Variants in ISG20L2 observed in about 807,000 individuals in gnomAD.
ISG20L2 encodes the protein interferon stimulated exonuclease gene 20 like 2.
Under a neutral mutation model 27.8 loss-of-function variants are expected in ISG20L2, and 14 were observed. That is an observed-to-expected ratio of 0.50 (90% confidence interval 0.33 to 0.79). ISG20L2 has a LOEUF of 0.79. Among genes scored for constraint, ISG20L2 ranks in the 30% least tolerant of loss-of-function variants. The pLI, the probability that ISG20L2 is intolerant of heterozygous loss-of-function variation, is 0.02. For synonymous variants in ISG20L2, 157 were observed against 165.7 expected (o/e 0.95, Z 0.40); for missense variants, 393 against 435.1 (o/e 0.90, Z 0.86).
At position 156,727,030 on chromosome 1, in the gene ISG20L2, C is replaced by T; in HGVS notation, c.623G>A (p.Gly208Glu). 6.2e-7 allele frequency: 1 copy of T among 1,614,192 alleles called. No homozygotes were observed. Among genetic ancestry groups the T allele is most frequent in the Non-Finnish European group, 8.5e-7 (1 of 1,180,038 alleles). ...LARCSIVNYNGDVLYDEYILP... is the reference protein window; with the variant it reads ...LARCSIVNYNEDVLYDEYILP... ...AATGTACTCGTCATAAAGCACATCT[C>T]CGTTGTAGTTGACAATGCTACATCG... Residue 208 changes from glycine to glutamate, a missense_variant, in exon 2 of 4, where the codon GGA (glycine) becomes GAA (glutamate). This residue lies in a region of ISG20L2 where 171 missense variants were observed against 195.3 expected (regional missense o/e 0.88). Coordinates refer to ENST00000368219, the MANE Select transcript of ISG20L2 (RefSeq NM_001370150.2).
chr1:156,727,767 A>C lies in ISG20L2; in HGVS notation c.-115T>G. The C allele has an allele frequency of 6.7e-7, 1 of 1,497,624 alleles. No individual in the cohort carries two copies. Among genetic ancestry groups the C allele is most frequent in the South Asian group, 1.4e-5 (1 of 72,194 alleles). The allele number at this position is 1,497,624 out of a possible 1,614,324, so 92.8% of individuals were successfully genotyped here. A position where few individuals can be genotyped will look rare whatever the true frequency, so the allele number is the denominator to read the frequency against. On this transcript the variant is annotated splice_region_variant and 5_prime_UTR_variant, in exon 2 of 4. Coordinates refer to ENST00000368219, the MANE Select transcript of ISG20L2 (RefSeq NM_001370150.2). Reference sequence around the variant, plus strand: ...TCCAACATGTGGAGGTCTGTAGTACACCCTGGGGAAGAAAGTGATCCTGGT... The same window carrying C: ...TCCAACATGTGGAGGTCTGTAGTACCCCCTGGGGAAGAAAGTGATCCTGGT...
chr1:156,726,096 T>A, intron 2 of ISG20L2: 1 of 985,440 alleles, frequency 1.0e-6, no homozygotes, highest in Non-Finnish European at 1.2e-6. Flanking sequence ...AGGAGTGAGA[T>A]GACAACCCGA....
intron 2 of ISG20L2, chr1:156,726,191 T>C: frequency 1.0e-6 from 1 of 985,422 alleles, no homozygotes; most frequent in Non-Finnish European, 1.2e-6. Context: ...CTGTCAACTT[T>C]CTGCCCTCTC....
chr1:156,724,491 C>G, intron 2 of ISG20L2, 143 bp from the exon 3 acceptor site: 1 of 1,408,960 alleles, frequency 7.1e-7, no homozygotes, highest in South Asian at 1.6e-5. Context: ...CTCACTCCCA[C>G]AAGTTTTCTT....
In ISG20L2 at chr1:156,723,363, G is replaced by A. The variant is rs1648617542; in HGVS notation, c.1048C>T (p.Pro350Ser). The A allele has an allele frequency of 7.4e-6, 12 of 1,614,060 alleles. No homozygotes were observed. The highest frequency in any genetic ancestry group is 1.0e-5 in the Non-Finnish European group (12 of 1,180,040). Reference protein sequence around the residue: ...VEWEEHLARNPPTD With the variant: ...VEWEEHLARNSPTD Reference sequence around the variant, plus strand: ...CCCCACTGCCACTAGTCTGTAGGGGGATTCCGGGCTAGGTGCTCTTCCCAC... The same window carrying A: ...CCCCACTGCCACTAGTCTGTAGGGGAATTCCGGGCTAGGTGCTCTTCCCAC... Residue 350 changes from proline to serine, a missense_variant, in exon 4 of 4, where the codon CCC becomes TCC. Coordinates refer to ENST00000368219, the MANE Select transcript of ISG20L2 (RefSeq NM_001370150.2).
chr1:156,728,749 G>GT lies in ISG20L2; in HGVS notation c.-453dup. ...GCCGGACACCTCCGGCTTCACTTCC[G>GT]TAAGAGGAGAGGAGTGTACGGCAAG... On this transcript the variant is annotated 5_prime_UTR_variant, in exon 1 of 4. Transcript: ENST00000368219. 1 of 1,016,178 alleles carries GT rather than the reference G, an allele frequency of 9.8e-7. No individual in the cohort carries two copies. The highest frequency in any genetic ancestry group is 4.1e-5 in the South Asian group (1 of 24,102). 62.9% of individuals were successfully genotyped at this position (1,016,178 alleles called of 1,614,324 possible).
Position 156,723,235 on chromosome 1 carries a change from C to T in ISG20L2, c.*114G>A, listed in dbSNP as rs892129272. The T allele has an allele frequency of 6.1e-6, 8 of 1,301,170 alleles. No homozygotes were observed. Among genetic ancestry groups the T allele is most frequent in the African/African-American group, 1.5e-5 (1 of 68,476 alleles). The allele number at this position is 1,301,170 out of a possible 1,614,324, so 80.6% of individuals were successfully genotyped here. Reference sequence around the variant, plus strand: ...TAAGTCTGGGGTAGAGCTTCTCTCTCCCCAAATCTAGCTTCCAAAGATGTG... The same window carrying T: ...TAAGTCTGGGGTAGAGCTTCTCTCTTCCCAAATCTAGCTTCCAAAGATGTG... On this transcript the variant is annotated 3_prime_UTR_variant, in exon 4 of 4. Coordinates refer to ENST00000368219, the MANE Select transcript of ISG20L2 (RefSeq NM_001370150.2).
intron 2 of ISG20L2, chr1:156,725,456 G>C (rs1044419705): frequency 1.3e-5 from 2 of 152,190 alleles, no homozygotes; most frequent in Admixed American, 6.5e-5. Context: ...CACACCACAG[G>C]CTCTGAAGGC....
At chr1:156,726,396 C>T (rs76800623) in intron 2 of ISG20L2, 34,257 of 985,246 alleles carry the variant, frequency 0.035, 710 homozygotes, top group African/African-American at 0.066. Flanking sequence ...CCCAGTTCCC[C>T]AGACCCAATT....
In ISG20L2 at chr1:156,728,654, G is replaced by A; in HGVS notation, c.-357C>T. 2 of 986,022 alleles carry A rather than the reference G, an allele frequency of 2.0e-6. No individual in the cohort carries two copies. Among genetic ancestry groups the A allele is most frequent in the Non-Finnish European group, 2.4e-6 (2 of 830,170 alleles). The allele number at this position is 986,022 out of a possible 1,614,324, so 61.1% of individuals were successfully genotyped here. ...GGGGCGGGGGCGGGATGCGCTCCCCGGCCCCTCTAGCCCCGTGGTGGTACA... is the reference window on the plus strand; with the variant it reads ...GGGGCGGGGGCGGGATGCGCTCCCCAGCCCCTCTAGCCCCGTGGTGGTACA... On this transcript the variant is annotated 5_prime_UTR_variant, in exon 1 of 4. Coordinates refer to ENST00000368219, the MANE Select transcript of ISG20L2 (RefSeq NM_001370150.2).
At position 156,726,933 on chromosome 1, in the gene ISG20L2, G is replaced by T. The variant is rs749619598; in HGVS notation, c.720C>A (p.Ala240=). 2.5e-6 allele frequency: 4 copies of T among 1,614,002 alleles called. No individual in the cohort carries two copies. In the African/African-American group the frequency reaches 4.0e-5, roughly 16 times the overall value. ...GGCCTCGAGCAATCTTGAAGGGTGT[G>T]GCATTCACCATGTGCTGCTTCCGGA... ...SGIRKQHMVN[A]TPFKIARGQI... is the part of the protein sequence containing the mutation. Residue 240 remains alanine (A), a synonymous_variant, in exon 2 of 4, where the codon GCC becomes GCA. Coordinates refer to ENST00000368219, the MANE Select transcript of ISG20L2 (RefSeq NM_001370150.2).
In ISG20L2 at chr1:156,727,038, G is replaced by A. The variant is rs1244193322; in HGVS notation, c.615C>T (p.Asn205=). ...VSSLARCSIV[N]YNGDVLYDEY... ...CGTCATAAAGCACATCTCCGTTGTA[G>A]TTGACAATGCTACATCGAGCCAAGG... Residue 205 remains asparagine (N), a synonymous_variant, in exon 2 of 4, where the codon AAC becomes AAT. Transcript: ENST00000368219. 4 of 1,614,114 alleles carry A rather than the reference G, an allele frequency of 2.5e-6. No individual in the cohort carries two copies. Among genetic ancestry groups the A allele is most frequent in the Non-Finnish European group, 3.4e-6 (4 of 1,180,044 alleles).
intron 2 of ISG20L2, chr1:156,725,789 G>T: frequency 1.2e-6 from 1 of 866,796 alleles, no homozygotes; most frequent in Non-Finnish European, 1.4e-6. Flanking sequence ...GCCTTTGCTT[G>T]GCTGCGCCCC....
rs1170023769 is a variant in ISG20L2, at chr1:156,722,283, C to T, written c.*1066G>A. The T allele has an allele frequency of 6.7e-6, 1 of 148,856 alleles. No homozygotes were observed. Among genetic ancestry groups the T allele is most frequent in the African/African-American group, 2.5e-5 (1 of 39,994 alleles). The allele number at this position is 148,856 out of a possible 1,614,324, so 9.2% of individuals were successfully genotyped here. On this transcript the variant is annotated 3_prime_UTR_variant, in exon 4 of 4. Transcript: ENST00000368219. ...TTTTAATTTTTTTTTTTTTTTGAGACAGAGTCTCGCTCTGTGGCCGTGGCC... is the reference window on the plus strand; with the variant it reads ...TTTTAATTTTTTTTTTTTTTTGAGATAGAGTCTCGCTCTGTGGCCGTGGCC...
Position 156,728,726 on chromosome 1 carries a change from C to G in ISG20L2, c.-429G>C, listed in dbSNP as rs1254276404. ...GCGATAAACCGGAACTGCAGCCCGCCGGACACCTCCGGCTTCACTTCCGTA... is the reference window on the plus strand; with the variant it reads ...GCGATAAACCGGAACTGCAGCCCGCGGGACACCTCCGGCTTCACTTCCGTA... On this transcript the variant is annotated 5_prime_UTR_variant, in exon 1 of 4. Transcript: ENST00000368219. 24 of 999,328 alleles carry G rather than the reference C, an allele frequency of 2.4e-5. No homozygotes were observed. Among genetic ancestry groups the G allele is most frequent in the South Asian group, 8.6e-5 (2 of 23,146 alleles). 61.9% of individuals were successfully genotyped at this position (999,328 alleles called of 1,614,324 possible).
rs920218737 is a variant in ISG20L2, at chr1:156,724,640, C to A, written c.748-292G>T. The A allele has an allele frequency of 2.6e-6, 3 of 1,150,620 alleles. No homozygotes were observed. In the African/African-American group the frequency reaches 4.7e-5, roughly 18 times the overall value. 71.3% of individuals were successfully genotyped at this position (1,150,620 alleles called of 1,614,324 possible). A position where few individuals can be genotyped will look rare whatever the true frequency, so the allele number is the denominator to read the frequency against. On this transcript the variant is annotated intron_variant, in intron 2 of 3. Coordinates refer to ENST00000368219, the MANE Select transcript of ISG20L2 (RefSeq NM_001370150.2). The stretch of plus-strand genomic sequence containing the variant: ...TTTGCCTTCAGTCCTAAATGACACT[C>A]ATGTTTGAGATGTCCATGTATTTAG...
chr1:156,723,215 C>G lies in ISG20L2; in HGVS notation c.*134G>C. On this transcript the variant is annotated 3_prime_UTR_variant, in exon 4 of 4. Coordinates refer to ENST00000368219, the MANE Select transcript of ISG20L2 (RefSeq NM_001370150.2). ...GGTGAAATTTCAATGGGTATTAAGT[C>G]TGGGGTAGAGCTTCTCTCTCCCCAA... 1 of 1,095,574 alleles carries G rather than the reference C, an allele frequency of 9.1e-7. No individual in the cohort carries two copies. The highest frequency in any genetic ancestry group is 1.4e-5 in the South Asian group (1 of 70,812). The allele number at this position is 1,095,574 out of a possible 1,614,324, so 67.9% of individuals were successfully genotyped here.
chr1:156,727,020 A>C lies in ISG20L2; in HGVS notation c.633T>G (p.Leu211=). ...CSIVNYNGDV[L]YDEYILPPCH... ...AGGGGGGAAGAATGTACTCGTCATA[A>C]AGCACATCTCCGTTGTAGTTGACAA... Residue 211 remains leucine, a synonymous_variant, in exon 2 of 4, where the codon CTT becomes CTG. Coordinates refer to ENST00000368219, the MANE Select transcript of ISG20L2 (RefSeq NM_001370150.2). 6.2e-7 allele frequency: 1 copy of C among 1,614,154 alleles called. No homozygotes were observed. Among genetic ancestry groups the C allele is most frequent in the Non-Finnish European group, 8.5e-7 (1 of 1,180,032 alleles).
At chr1:156,724,953 A>C (rs1188133017) in intron 2 of ISG20L2, 2 of 152,318 alleles carry the variant, frequency 1.3e-5, no homozygotes, top group African/African-American at 4.8e-5. Flanking sequence ...TATTTCAGGA[A>C]ACTGTTTTTT....
Sources: gnomAD v4.1 joint callset for allele counts on GRCh38, gnomAD v4.1.1 for gene constraint, gnomAD v4.1.1 regional missense constraint, MANE v1.5 for transcripts, NCBI Gene and HGNC (gene_info 2026-07-23, HGNC 2026-07-21) for gene names.